The following RNASEH2B variants were observed in gnomAD, a reference collection of about 807,000 sequenced individuals.
RNASEH2B encodes the protein Aicardi-Goutieres syndrome 2 protein.
In RNASEH2B, 36 loss-of-function variants were observed where a neutral mutation model predicts 45.0. The ratio of observed to expected loss-of-function variants is 0.80; its 90% CI spans 0.61 to 1.06. The LOEUF (loss-of-function observed/expected upper bound fraction) is 1.06. Among genes scored for constraint, RNASEH2B ranks in the 50% least tolerant of loss-of-function variants. RNASEH2B has a pLI of 0.00. For synonymous variants in RNASEH2B, 119 were observed against 125.7 expected, an observed-to-expected ratio of 0.95 and a Z score of 0.35; for missense variants, 361 against 360.3, an observed-to-expected ratio of 1.00 and a Z score of -0.02.
chr13:50,944,822 G>A (rs952793815), intron 6 of RNASEH2B, among the ~76,000 whole-genome samples: 1 of 152,050 alleles, frequency 6.6e-6, no homozygotes, highest in African/African-American at 2.4e-5. Context: ...CCATGTAGGC[G>A]AAGAATGAGA....
chr13:50,910,170 G>T lies in RNASEH2B; in HGVS notation c.64+30G>T, dbSNP rs1879271564. ...ACACGCGCGCCCGGGCGGCGGGGTCGGCCCAAGAACTGGCGGAGCGGCCCG... is the reference window on the plus strand; with the variant it reads ...ACACGCGCGCCCGGGCGGCGGGGTCTGCCCAAGAACTGGCGGAGCGGCCCG... On this transcript the variant is annotated intron_variant, in intron 1 of 10. Transcript: ENST00000336617. 3 of 1,414,958 alleles carry T rather than the reference G, an allele frequency of 2.1e-6. No individual in the cohort carries two copies. In the East Asian group the frequency reaches 9.2e-5, roughly 43 times the overall value. The allele number at this position is 1,414,958 out of a possible 1,614,324, so 87.7% of individuals were successfully genotyped here. A position where few individuals can be genotyped will look rare whatever the true frequency, so the allele number is the denominator to read the frequency against.
At chr13:50,924,389 G>A (rs939317261) in intron 1 of RNASEH2B, among the ~76,000 whole-genome samples, 5 of 152,066 alleles carry the variant, frequency 3.3e-5, no homozygotes, top group African/African-American at 1.2e-4. Flanking sequence ...AGCTGGAGTG[G>A]CAATACTAAT....
chr13:50,948,420 A>G (rs1030570989), intron 8 of RNASEH2B: 1 of 179,320 alleles, frequency 5.6e-6, no homozygotes, highest in Non-Finnish European at 1.2e-5. Context: ...GATGGAATAT[A>G]GACTTTTTTT....
intron 6 of RNASEH2B, among the ~76,000 whole-genome samples, chr13:50,943,857 C>T (rs1316360381): frequency 1.3e-5 from 2 of 152,158 alleles, no homozygotes; most frequent in East Asian, 3.9e-4. Context: ...GAGGGGTCAT[C>T]TTACAGGCAA....
chr13:50,934,643 T>C, intron 4 of RNASEH2B: 1 of 533,486 alleles, frequency 1.9e-6, no homozygotes, highest in Non-Finnish European at 3.4e-6. Flanking sequence ...CCCATTTCAT[T>C]TGGGGACTGT....
chr13:50,965,549 A>ACCT (rs1255383443), intron 9 of RNASEH2B, among the ~76,000 whole-genome samples: 8 of 152,218 alleles, frequency 5.3e-5, no homozygotes, highest in Admixed American at 2.0e-4. Context: ...CACCCCAGAC[A>ACCT]GGTGTTCAGC....
At chr13:50,964,774 C>A in intron 9 of RNASEH2B, among the ~76,000 whole-genome samples, 1 of 152,140 alleles carries the variant, frequency 6.6e-6, no homozygotes, top group East Asian at 1.9e-4. Context: ...TTCTGGGTTT[C>A]TTTTGGGTCC....
chr13:50,960,626 A>G (rs1952102458), downstream of RNASEH2B, among the ~76,000 whole-genome samples: 1 of 152,166 alleles, frequency 6.6e-6, no homozygotes, highest in South Asian at 2.1e-4. Flanking sequence ...TGTCTAATAA[A>G]CTCACCCTGG....
chr13:50,961,801 C>G (rs1952114342), intron 9 of RNASEH2B, among the ~76,000 whole-genome samples: 1 of 152,028 alleles, frequency 6.6e-6, no homozygotes, highest in Non-Finnish European at 1.5e-5. Flanking sequence ...ATGTATCTAT[C>G]AGTATTTATC....
rs1951648632 is a variant in RNASEH2B at position 50,929,481 on chromosome 13, G to A, written c.143G>A (p.Gly48Glu). 2.5e-6 allele frequency: 4 copies of A among 1,609,368 alleles called. No individual in the cohort carries two copies. The highest frequency in any genetic ancestry group is 2.2e-5 in the East Asian group (1 of 44,840). Reference protein sequence around the residue: ...VKLVNPCSGEGAIYLFNMCLQ... With the variant: ...VKLVNPCSGEEAIYLFNMCLQ... ...GACAGATTTGTCTTAACAGGAGAAGGAGCCATTTACTTGTTCAATATGTGT... is the reference window on the plus strand; with the variant it reads ...GACAGATTTGTCTTAACAGGAGAAGAAGCCATTTACTTGTTCAATATGTGT... The change falls in exon 3 of 11, where the codon GGA becomes GAA. Residue 48 changes from glycine to glutamate, a missense_variant. Transcript: ENST00000336617.
intron 9 of RNASEH2B, among the ~76,000 whole-genome samples, chr13:50,966,190 C>A (rs984764021): frequency 1.3e-5 from 2 of 152,132 alleles, no homozygotes; most frequent in African/African-American, 4.8e-5. Context: ...ACACACATAA[C>A]ACACATAAAC....
intron 4 of RNASEH2B, chr13:50,934,619 G>C (rs1052122584): frequency 2.1e-6 from 1 of 473,954 alleles, no homozygotes. Flanking sequence ...TGCTTTTGTA[G>C]ATTGATTTTC....
intron 1 of RNASEH2B, among the ~76,000 whole-genome samples, chr13:50,919,881 A>G (rs973455289): frequency 9.2e-5 from 14 of 152,202 alleles, no homozygotes; most frequent in Non-Finnish European, 2.1e-4. Flanking sequence ...TAAATGGCCA[A>G]TACATATTAG....
chr13:50,917,570 C>G (rs939293218), intron 1 of RNASEH2B, among the ~76,000 whole-genome samples: 1 of 152,194 alleles, frequency 6.6e-6, no homozygotes, highest in Non-Finnish European at 1.5e-5. Context: ...CTCTTGATGA[C>G]CTTGGGAAGC....
chr13:50,927,317 A>C, intron 1 of RNASEH2B, 90 bp from the exon 2 acceptor site: 2 of 802,178 alleles, frequency 2.5e-6, no homozygotes, highest in Non-Finnish European at 4.4e-6. Flanking sequence ...CAAAAGTCAT[A>C]TAAGTAGAAG....
Position 50,930,691 on chromosome 13 carries a change from C to T in RNASEH2B, c.253C>T (p.Leu85Phe), listed in dbSNP as rs1262454987. 1.9e-6 allele frequency: 3 copies of T among 1,612,192 alleles called. No homozygotes were observed. The Admixed American group carries it at 5.0e-5, about 27-fold the overall frequency. ...CTTTTTGTAATCTGCAGGAGGTCTT[C>T]TCCATTTTGCCACACCTGTGGATCC... is the stretch of plus-strand genomic sequence containing the variant. ...INQSVQSGGLLHFATPVDPLF... is the reference protein window; with the variant it reads ...INQSVQSGGLFHFATPVDPLF... The change falls in exon 4 of 11, where the codon CTC becomes TTC. Residue 85 changes from leucine to phenylalanine, a missense_variant. Leu to Phe is a conservative substitution (Grantham distance 22). Transcript: ENST00000336617.
intron 9 of RNASEH2B, chr13:50,950,152 T>G (rs1951958314): frequency 6.6e-6 from 1 of 152,346 alleles, no homozygotes. Flanking sequence ...AGATCTCAGA[T>G]GAGTTAAACT....
intron 1 of RNASEH2B, among the ~76,000 whole-genome samples, chr13:50,920,515 A>G (rs1951510363): frequency 6.6e-6 from 1 of 152,234 alleles, no homozygotes; most frequent in Admixed American, 6.5e-5. Flanking sequence ...GAAGTTTAAC[A>G]TATTATTAAA....
intron 7 of RNASEH2B, among the ~76,000 whole-genome samples, chr13:50,945,767 A>G (rs1201937762): frequency 2.6e-5 from 4 of 152,228 alleles, no homozygotes; most frequent in Non-Finnish European, 5.9e-5. Flanking sequence ...TATTTCTTTT[A>G]CATTGATAGT....
Sources: gnomAD v4.1 joint callset for allele counts (sites outside exome capture counted in the v4.1 genomes callset) on GRCh38, gnomAD v4.1.1 for gene constraint, MANE v1.5 for transcripts, NCBI Gene and HGNC (gene_info 2026-07-23, HGNC 2026-07-21) for gene names.